The following CSMD1 variants were observed in gnomAD, a reference collection of about 807,000 sequenced individuals.
The protein encoded by CSMD1 is CUB and Sushi multiple domains 1, also known as CUB and sushi domain-containing protein 1.
A neutral mutation model predicts 417.5 loss-of-function variants in CSMD1; 213 were observed. The observed-to-expected ratio is 0.51, with a 90% CI of 0.46 to 0.57. The LOEUF (loss-of-function observed/expected upper bound fraction) is 0.57. CSMD1 is among the 20% of genes least tolerant of loss of function. The pLI is 0.00. For synonymous variants in CSMD1, 2,862 were observed against 1,736.8 expected (o/e 1.65, Z -16.11); for missense variants, 6,923 against 4,529.7 (o/e 1.53, Z -15.17).
At chr8:3,489,540 T>C (rs1003877877) in intron 11 of CSMD1, among the ~76,000 whole-genome samples, 4 of 152,216 alleles carry the variant, frequency 2.6e-5, no homozygotes, top group African/African-American at 9.6e-5. Flanking sequence ...TAGATGTACT[T>C]GGAAAGAACT....
chr8:3,547,711 T>C lies in CSMD1; in HGVS notation c.1344+27234A>G, dbSNP rs555899524. On this transcript the variant is annotated intron_variant, in intron 10 of 69. Coordinates refer to ENST00000635120, the MANE Select transcript of CSMD1 (RefSeq NM_033225.6). ...GTTAAATCTACTAAGCCTACCTATA[T>C]GAAAAACAATAGATCTTATTTTGGC... Among the ~76,000 whole-genome samples the C allele has an allele frequency of 2.0e-5, 3 of 152,202 alleles. No individual in the cohort carries two copies. The East Asian group carries it at 5.8e-4, about 29-fold the overall frequency.
At chr8:4,137,866 A>AT (rs201920634) in intron 3 of CSMD1, among the ~76,000 whole-genome samples, 2 of 87,436 alleles carry the variant, frequency 2.3e-5, no homozygotes, top group Admixed American at 1.2e-4. Flanking sequence ...GCCTTACATT[A>AT]TTTTTTTTAA....
Position 3,587,028 on chromosome 8 carries a change from G to C in CSMD1, c.1098-768C>G, listed in dbSNP as rs537320013. Among the ~76,000 whole-genome samples, 490 of 152,252 alleles carry C rather than the reference G, an allele frequency of 3.2e-3. 2 individuals carry two copies. Among genetic ancestry groups the C allele is most frequent in the Non-Finnish European group, 5.9e-3 (400 of 68,020 alleles). On this transcript the variant is annotated intron_variant, in intron 8 of 69. Coordinates refer to ENST00000635120, the MANE Select transcript of CSMD1 (RefSeq NM_033225.6). ...TTCGCCAGGCTGGTCTTCAACTCCTGACCTCAAGTGATTCACCTGCCTCAG... is the reference window on the plus strand; with the variant it reads ...TTCGCCAGGCTGGTCTTCAACTCCTCACCTCAAGTGATTCACCTGCCTCAG...
intron 3 of CSMD1, among the ~76,000 whole-genome samples, chr8:4,402,661 G>C (rs1489679832): frequency 6.6e-6 from 1 of 152,072 alleles, no homozygotes; most frequent in Non-Finnish European, 1.5e-5. Context: ...TTTCATTAAT[G>C]AATTTGCCCA....
chr8:3,240,966 T>C (rs1443438690), intron 26 of CSMD1, among the ~76,000 whole-genome samples: 1 of 151,578 alleles, frequency 6.6e-6, no homozygotes, highest in African/African-American at 2.4e-5. Context: ...GATATTGGCA[T>C]TGAGCAGGGT....
chr8:4,068,067 G>C (rs529309237), intron 3 of CSMD1, among the ~76,000 whole-genome samples: 2 of 151,964 alleles, frequency 1.3e-5, no homozygotes, highest in Non-Finnish European at 1.5e-5. Flanking sequence ...GCGACAGAGG[G>C]AGACAACGTC....
intron 12 of CSMD1, among the ~76,000 whole-genome samples, chr8:3,465,341 T>C (rs1032256153): frequency 2.6e-5 from 4 of 152,066 alleles, no homozygotes; most frequent in African/African-American, 4.8e-5. Context: ...GGAGAGAGGA[T>C]TGTCTTTGGG....
intron 7 of CSMD1, among the ~76,000 whole-genome samples, chr8:3,674,742 A>G (rs2117560257): frequency 6.6e-6 from 1 of 152,274 alleles, no homozygotes; most frequent in Non-Finnish European, 1.5e-5. Flanking sequence ...CCTGCCCTTC[A>G]TCCCAACTTC....
intron 2 of CSMD1, among the ~76,000 whole-genome samples, chr8:4,490,973 A>T (rs1241248624): frequency 1.3e-5 from 2 of 152,194 alleles, no homozygotes; most frequent in African/African-American, 4.8e-5. Context: ...TATGTGAACC[A>T]CAGGGAGGAG....
At chr8:4,678,232 G>A (rs1043383809) in intron 1 of CSMD1, among the ~76,000 whole-genome samples, 3 of 151,892 alleles carry the variant, frequency 2.0e-5, no homozygotes, top group Non-Finnish European at 4.4e-5. Context: ...CCAACCTGGT[G>A]AAACCCTGTC....
intron 2 of CSMD1, among the ~76,000 whole-genome samples, chr8:4,441,336 C>G (rs188088510): frequency 4.2e-4 from 55 of 131,482 alleles, no homozygotes; most frequent in African/African-American, 1.5e-3. Flanking sequence ...TAGTTTTAAA[C>G]AGCTGGCCCC....
At chr8:4,212,772 T>TGA in intron 3 of CSMD1, among the ~76,000 whole-genome samples, 1 of 145,850 alleles carries the variant, frequency 6.9e-6, no homozygotes, top group South Asian at 2.2e-4. Context: ...TTTTTTTTTT[T>TGA]TTTTACAAGC....
rs909155203 is a variant in CSMD1, at chr8:3,229,900, C to T, written c.4345+140G>A. The T allele has an allele frequency of 1.2e-4, 72 of 582,746 alleles. 1 individual carries two copies. In the South Asian group the frequency reaches 2.2e-3, roughly 18 times the overall value. The allele number at this position is 582,746 out of a possible 1,614,324, so 36.1% of individuals were successfully genotyped here. On this transcript the variant is annotated intron_variant, in intron 27 of 69. Transcript: ENST00000635120. Reference sequence around the variant, plus strand: ...AGTTTAAAGGTTTACAATAAAATTTCAGGAGTCTCAGAGAGCCAGAGAACA... The same window carrying T: ...AGTTTAAAGGTTTACAATAAAATTTTAGGAGTCTCAGAGAGCCAGAGAACA...
intron 18 of CSMD1, among the ~76,000 whole-genome samples, chr8:3,382,635 C>T (rs1195236553): frequency 7.0e-6 from 1 of 142,896 alleles, no homozygotes; most frequent in Non-Finnish European, 1.5e-5. Context: ...ATAAATATCT[C>T]TCTCTATATA....
chr8:3,241,323 A>G (rs148123974), intron 26 of CSMD1, among the ~76,000 whole-genome samples: 7,973 of 149,536 alleles, frequency 0.053, 327 homozygotes, highest in Non-Finnish European at 0.079. Context: ...TTATGGAGGC[A>G]AGGGAAACAG....
chr8:4,643,472 A>T (rs1029055420), intron 1 of CSMD1, among the ~76,000 whole-genome samples: 1 of 152,154 alleles, frequency 6.6e-6, no homozygotes, highest in South Asian at 2.1e-4. Context: ...ACATTGCCTT[A>T]CTCCTACTGG....
rs899249938 is a variant in CSMD1, at chr8:3,797,253, ATAAAG to A, written c.819-43216_819-43212del. Among the ~76,000 whole-genome samples, 32 of 152,104 alleles carry A rather than the reference ATAAAG, an allele frequency of 2.1e-4. 1 individual carries two copies. The highest frequency in any genetic ancestry group is 6.6e-4 in the Admixed American group (10 of 15,262). ...TCTCTATTTTCAAACTCAAGTGGCT[ATAAAG>A]TAGTTTTTAAAATTGAGGTAAAATA... On this transcript the variant is annotated intron_variant, in intron 5 of 69. Transcript: ENST00000635120.
intron 3 of CSMD1, among the ~76,000 whole-genome samples, chr8:4,069,547 T>A (rs1799435559): frequency 6.6e-6 from 1 of 152,176 alleles, no homozygotes; most frequent in Non-Finnish European, 1.5e-5. Flanking sequence ...ACCCTCCCTC[T>A]CCGCCTCCCA....
At chr8:4,130,876 T>C (rs1174607144) in intron 3 of CSMD1, among the ~76,000 whole-genome samples, 4 of 151,922 alleles carry the variant, frequency 2.6e-5, no homozygotes, top group Non-Finnish European at 4.4e-5. Flanking sequence ...AGAGTGTTCA[T>C]ATGCTGAGAT....
Sources: gnomAD v4.1 joint callset for allele counts (sites outside exome capture counted in the v4.1 genomes callset) on GRCh38, gnomAD v4.1.1 for gene constraint, MANE v1.5 for transcripts, NCBI Gene and HGNC (gene_info 2026-07-23, HGNC 2026-07-21) for gene names.